STRN3: variants seen among roughly 807,000 people sequenced by gnomAD.
STRN3 encodes the protein striatin 3, also known as striatin-3.
Under a neutral mutation model 95.6 loss-of-function variants are expected in STRN3, and 29 were observed. The ratio of observed to expected loss-of-function variants is 0.30; its 90% CI spans 0.23 to 0.41. STRN3 has a LOEUF of 0.41. Ranked by LOEUF, STRN3 falls within the 10% of genes least tolerant of loss-of-function variation. The pLI, the probability that STRN3 is intolerant of heterozygous loss-of-function variation, is 1.00. For synonymous variants in STRN3, 331 were observed against 357.6 expected, an observed-to-expected ratio of 0.93 and a Z score of 0.84; for missense variants, 890 against 972.1, an observed-to-expected ratio of 0.92 and a Z score of 1.12.
rs774678768 is a variant in STRN3, at chr14:30,913,528, T to C, written c.1370A>G (p.Tyr457Cys). The change falls in exon 10 of 18, where the codon TAT becomes TGT. Residue 457 changes from tyrosine (Y) to cysteine (C), a missense_variant. Tyr to Cys is a radical substitution (Grantham distance 194). This residue lies in a region of STRN3 where 357 missense variants were observed against 422.8 expected (regional missense o/e 0.84). Coordinates refer to ENST00000357479, the MANE Select transcript of STRN3 (RefSeq NM_001083893.2). ...TAAAAATAAAACTGCACTTACATCA[T>C]AACTATAGTCTGCATCATTTGTTAC... ...LTVTNDADYS[Y>C]DLPANKDAFR... 6.2e-7 allele frequency: 1 copy of C among 1,606,814 alleles called. No individual in the cohort carries two copies. Among genetic ancestry groups the C allele is most frequent in the Non-Finnish European group, 8.5e-7 (1 of 1,176,904 alleles).
In STRN3 at chr14:31,016,692, G is replaced by A. The variant is rs541669823; in HGVS notation, c.282+9212C>T. Among the ~76,000 whole-genome samples, 23 of 152,134 alleles carry A rather than the reference G, an allele frequency of 1.5e-4. 1 individual carries two copies. The South Asian group carries it at 2.9e-3, about 19-fold the overall frequency. On this transcript the variant is annotated intron_variant, in intron 1 of 17. Transcript: ENST00000357479. ...CCCAAGTAGCTGGGATTACAGGCAC[G>A]TGCCAGCACACCTGGCTAACTTTTA...
At chr14:30,958,242 G>A (rs1049026960) in intron 1 of STRN3, among the ~76,000 whole-genome samples, 3 of 152,146 alleles carry the variant, frequency 2.0e-5, no homozygotes, top group Admixed American at 6.5e-5. Flanking sequence ...GAGCCCAGGA[G>A]TGAGGCTAGA....
At chr14:30,931,757 T>C (rs980143300) in intron 7 of STRN3, among the ~76,000 whole-genome samples, 3 of 152,236 alleles carry the variant, frequency 2.0e-5, no homozygotes, top group Non-Finnish European at 2.9e-5. Context: ...AAACTCAGAC[T>C]ATCTAACACA....
intron 1 of STRN3, chr14:31,025,098 G>A (rs1025616108): frequency 3.3e-5 from 5 of 152,036 alleles, no homozygotes; most frequent in African/African-American, 7.3e-5. Context: ...TCACTTCAAG[G>A]GAATATTAAA....
At chr14:30,979,076 G>A (rs1881259171) in intron 1 of STRN3, among the ~76,000 whole-genome samples, 1 of 145,288 alleles carries the variant, frequency 6.9e-6, no homozygotes, top group Non-Finnish European at 1.5e-5. Context: ...TTACAGCAAG[G>A]TTGCAGCAAA....
rs1018218579 is a variant in STRN3, at chr14:30,924,225, A to C, written c.1099+4976T>G. Among the ~76,000 whole-genome samples the C allele has an allele frequency of 1.5e-4, 7 of 45,490 alleles. No individual in the cohort carries two copies. In the East Asian group the frequency reaches 1.6e-3, roughly 10 times the overall value. 29.8% of individuals were successfully genotyped at this position (45,490 alleles called of 152,430 possible). A position where few individuals can be genotyped will look rare whatever the true frequency, so the allele number is the denominator to read the frequency against. On this transcript the variant is annotated intron_variant, in intron 8 of 17. Coordinates refer to ENST00000357479, the MANE Select transcript of STRN3 (RefSeq NM_001083893.2). ...TTCTGAACTACTCAAAAAAAAAAAA[A>C]CAAAAAAACAAAAAACAACAAAAAA...
At chr14:30,993,668 A>C (rs1017277276) in intron 1 of STRN3, among the ~76,000 whole-genome samples, 3 of 150,436 alleles carry the variant, frequency 2.0e-5, no homozygotes, top group African/African-American at 7.3e-5. Context: ...TAACACATTC[A>C]TTGTAACTTT....
intron 1 of STRN3, among the ~76,000 whole-genome samples, chr14:30,994,962 C>G (rs1034175390): frequency 6.6e-6 from 1 of 152,174 alleles, no homozygotes; most frequent in Non-Finnish European, 1.5e-5. Context: ...AACACAAATG[C>G]AAATTTTGAC....
chr14:30,950,014 C>G (rs1879561627), intron 4 of STRN3, among the ~76,000 whole-genome samples: 1 of 151,674 alleles, frequency 6.6e-6, no homozygotes, highest in Non-Finnish European at 1.5e-5. Context: ...AGTAAAATGA[C>G]TGGTGAGGAA....
At chr14:31,010,736 A>C (rs1882932849) in intron 1 of STRN3, among the ~76,000 whole-genome samples, 1 of 152,186 alleles carries the variant, frequency 6.6e-6, no homozygotes, top group African/African-American at 2.4e-5. Context: ...AATCTCAGGC[A>C]ATGATTCATT....
At chr14:31,002,395 C>T (rs1281294742) in intron 1 of STRN3, among the ~76,000 whole-genome samples, 2 of 148,294 alleles carry the variant, frequency 1.3e-5, no homozygotes, top group Admixed American at 6.8e-5. Flanking sequence ...TTGCTTGAGC[C>T]GGGAGGTGGA....
chr14:30,967,241 T>TG (rs541103492), intron 1 of STRN3, among the ~76,000 whole-genome samples: 388 of 21,978 alleles, frequency 0.018, 2 homozygotes, highest in African/African-American at 0.057. Flanking sequence ...TGGGGCAGGG[T>TG]GGGGGGGAAG....
chr14:30,965,573 A>G (rs1336151445), intron 1 of STRN3, among the ~76,000 whole-genome samples: 2 of 152,048 alleles, frequency 1.3e-5, no homozygotes, highest in African/African-American at 4.8e-5. Flanking sequence ...TAATCCCAGC[A>G]CTTTGGGAGG....
At chr14:31,010,487 A>C (rs1263789699) in intron 1 of STRN3, among the ~76,000 whole-genome samples, 1 of 150,808 alleles carries the variant, frequency 6.6e-6, no homozygotes, top group East Asian at 2.0e-4. Context: ...TCTACTTTAT[A>C]ATGTTTGGTG....
chr14:30,980,157 A>G (rs1370351196), intron 1 of STRN3, among the ~76,000 whole-genome samples: 1 of 151,750 alleles, frequency 6.6e-6, no homozygotes, highest in Non-Finnish European at 1.5e-5. Flanking sequence ...AGGCAGGAGA[A>G]CTGCTTGAGC....
At chr14:30,961,180 GT>G (rs1763930390) in intron 1 of STRN3, among the ~76,000 whole-genome samples, 1 of 152,136 alleles carries the variant, frequency 6.6e-6, no homozygotes. Context: ...AACTAAAAAT[GT>G]TTTTTAAAGT....
intron 8 of STRN3, among the ~76,000 whole-genome samples, chr14:30,927,357 AC>A (rs2139042652): frequency 6.6e-6 from 1 of 152,080 alleles, no homozygotes; most frequent in African/African-American, 2.4e-5. Context: ...TCTTAAACAT[AC>A]TTTTTTTAAT....
chr14:30,934,835 G>A (rs192753526), intron 7 of STRN3, among the ~76,000 whole-genome samples: 20 of 151,976 alleles, frequency 1.3e-4, no homozygotes, highest in South Asian at 2.1e-4. Flanking sequence ...ATTAAACAAC[G>A]GGAATGTTTA....
At chr14:31,010,524 T>A (rs1164664383) in intron 1 of STRN3, among the ~76,000 whole-genome samples, 2 of 151,936 alleles carry the variant, frequency 1.3e-5, no homozygotes, top group Non-Finnish European at 2.9e-5. Context: ...TAAGGAAAAA[T>A]GTTTCCAATA....
Sources: allele counts gnomAD v4.1 joint callset (sites outside exome capture counted in the v4.1 genomes callset), GRCh38; gene constraint gnomAD v4.1.1; regional missense constraint gnomAD v4.1.1; transcripts MANE v1.5; gene names NCBI Gene and HGNC (gene_info 2026-07-23, HGNC 2026-07-21).